SGCD: variants seen among roughly 807,000 people sequenced by gnomAD.
SGCD encodes delta-sarcoglycan.
SGCD carries 18 observed loss-of-function variants against 36.6 expected under a neutral mutation model. The ratio of observed to expected loss-of-function variants is 0.49; its 90% CI spans 0.34 to 0.73. The LOEUF is 0.73. SGCD is among the 30% of genes least tolerant of loss of function. The pLI is 0.01. For synonymous variants in SGCD, 133 were observed against 130.6 expected (o/e 1.02, Z -0.12); for missense variants, 387 against 346.7 (o/e 1.12, Z -0.92).
At chr5:156,423,400 A>C (rs1466036961) in intron 3 of SGCD, among the ~76,000 whole-genome samples, 1 of 91,946 alleles carries the variant, frequency 1.1e-5, no homozygotes, top group Admixed American at 1.4e-4. Flanking sequence ...ATTATATTTT[A>C]TTATAATATA....
At chr5:155,831,542 T>C in the SGCD span, among the ~76,000 whole-genome samples, 1 of 152,252 alleles carries the variant, frequency 6.6e-6, no homozygotes, top group Admixed American at 6.5e-5. Flanking sequence ...GACTTTTGTA[T>C]GCAATTGCTT....
intron 3 of SGCD, among the ~76,000 whole-genome samples, chr5:156,196,683 C>T (rs1292237658): frequency 2.0e-5 from 3 of 152,116 alleles, no homozygotes; most frequent in Non-Finnish European, 4.4e-5. Context: ...CCACCCAGCA[C>T]TTGTGTTATA....
intron 1 of SGCD, among the ~76,000 whole-genome samples, chr5:155,989,072 G>A (rs897531714): frequency 5.9e-5 from 9 of 152,212 alleles, no homozygotes; most frequent in South Asian, 2.1e-4. Flanking sequence ...TGGAACTTTC[G>A]TCAATTTTGT....
chr5:155,782,137 G>T, the SGCD span, among the ~76,000 whole-genome samples: 3 of 149,972 alleles, frequency 2.0e-5, no homozygotes, highest in African/African-American at 7.4e-5. Context: ...TGATTCTCCT[G>T]CTTCAGCCTC....
At chr5:156,631,820 C>A (rs1486625178) in intron 6 of SGCD, among the ~76,000 whole-genome samples, 1 of 152,126 alleles carries the variant, frequency 6.6e-6, no homozygotes, top group Non-Finnish European at 1.5e-5. Context: ...AATGGTCACT[C>A]TTCAAAATGG....
chr5:155,801,072 G>T, the SGCD span, among the ~76,000 whole-genome samples: 1 of 152,022 alleles, frequency 6.6e-6, no homozygotes, highest in African/African-American at 2.4e-5. Context: ...TCCTGGAGTG[G>T]AGTCACACCT....
intron 3 of SGCD, among the ~76,000 whole-genome samples, chr5:156,321,673 C>T (rs1037074045): frequency 6.6e-6 from 1 of 152,090 alleles, no homozygotes; most frequent in Non-Finnish European, 1.5e-5. Flanking sequence ...TTCTCCTGGT[C>T]ACATGGATGA....
At chr5:156,494,549 G>C (rs1488124693) in intron 3 of SGCD, among the ~76,000 whole-genome samples, 1 of 152,018 alleles carries the variant, frequency 6.6e-6, no homozygotes, top group Admixed American at 6.6e-5. Context: ...AATTTATTCT[G>C]AGGCATGAAT....
chr5:156,104,439 A>T (rs1436360696), intron 1 of SGCD, among the ~76,000 whole-genome samples: 3 of 152,206 alleles, frequency 2.0e-5, no homozygotes, highest in African/African-American at 7.2e-5. Flanking sequence ...ACAGTCTAAG[A>T]GGGACCTGCC....
intron 1 of SGCD, among the ~76,000 whole-genome samples, chr5:156,028,120 ACT>A (rs1035294891): frequency 2.0e-5 from 3 of 152,122 alleles, no homozygotes; most frequent in Non-Finnish European, 4.4e-5. Context: ...AGCTAATAGC[ACT>A]CTCTCTAAAG....
chr5:156,691,410 C>CA (rs1234253813), intron 7 of SGCD, among the ~76,000 whole-genome samples: 1 of 152,008 alleles, frequency 6.6e-6, no homozygotes, highest in Admixed American at 6.6e-5. Context: ...ACTTGCATTG[C>CA]AAAAAGCTCC....
chr5:156,060,303 G>A, intron 1 of SGCD, among the ~76,000 whole-genome samples: 1 of 145,926 alleles, frequency 6.9e-6, no homozygotes, highest in East Asian at 1.9e-4. Context: ...AGACAGTGAA[G>A]CACCTGTCAA....
chr5:156,217,813 G>GTA (rs1253362967), intron 3 of SGCD, among the ~76,000 whole-genome samples: 78 of 151,562 alleles, frequency 5.1e-4, no homozygotes, highest in Middle Eastern at 6.8e-3. Context: ...ATGTATGTAT[G>GTA]TATATATATA....
the SGCD span, among the ~76,000 whole-genome samples, chr5:155,775,799 G>A: frequency 6.6e-6 from 1 of 152,274 alleles, no homozygotes; most frequent in Middle Eastern, 3.4e-3. Context: ...AGGGAGAGAA[G>A]TCTGTTCCCT....
At chr5:156,213,034 T>A (rs1369681723) in intron 3 of SGCD, among the ~76,000 whole-genome samples, 1 of 151,956 alleles carries the variant, frequency 6.6e-6, no homozygotes, top group Non-Finnish European at 1.5e-5. Context: ...AATAAATGTC[T>A]ACATCAAAAA....
intron 1 of SGCD, among the ~76,000 whole-genome samples, chr5:155,996,673 G>A (rs1758551388): frequency 6.6e-6 from 1 of 151,686 alleles, no homozygotes; most frequent in Admixed American, 6.6e-5. Context: ...CAGCTACTTG[G>A]GAGGTTGAAG....
chr5:156,590,735 A>G (rs1002805705), intron 5 of SGCD, among the ~76,000 whole-genome samples: 1 of 151,514 alleles, frequency 6.6e-6, no homozygotes, highest in African/African-American at 2.4e-5. Flanking sequence ...AGAGTGAGTC[A>G]GTCTCTTTTT....
At chr5:156,224,471 A>G (rs1764798270) in intron 3 of SGCD, among the ~76,000 whole-genome samples, 2 of 152,178 alleles carry the variant, frequency 1.3e-5, no homozygotes, top group Non-Finnish European at 2.9e-5. Flanking sequence ...GCTTCAATCT[A>G]TCGTTATCAT....
intron 1 of SGCD, among the ~76,000 whole-genome samples, chr5:155,913,491 A>G (rs1756673954): frequency 6.6e-6 from 1 of 152,014 alleles, no homozygotes; most frequent in South Asian, 2.1e-4. Flanking sequence ...CTTAACATCA[A>G]CCTCTTCAGT....
Sources: allele counts gnomAD v4.1 joint callset (sites outside exome capture counted in the v4.1 genomes callset), GRCh38; gene constraint gnomAD v4.1.1; transcripts MANE v1.5; gene names NCBI Gene and HGNC (gene_info 2026-07-23, HGNC 2026-07-21).